Variants in ONECUT2 observed in about 807,000 individuals in gnomAD.
ONECUT2 encodes the protein one cut homeobox 2.
A neutral mutation model predicts 27.9 loss-of-function variants in ONECUT2; 10 were observed. The observed-to-expected ratio is 0.36, with a 90% CI of 0.22 to 0.61. ONECUT2 has a LOEUF of 0.61. Among genes scored for constraint, ONECUT2 ranks in the 20% least tolerant of loss-of-function variants. The pLI, the probability that ONECUT2 is intolerant of heterozygous loss-of-function variation, is 0.73. For synonymous variants in ONECUT2, 334 were observed against 315.1 expected (o/e 1.06, Z -0.64); for missense variants, 686 against 721.0 (o/e 0.95, Z 0.56).
rs1022473716 is a variant in ONECUT2, at chr18:57,487,094, C to T, written c.*10371C>T. On this transcript the variant is annotated 3_prime_UTR_variant, in exon 2 of 2. Coordinates refer to ENST00000491143, the MANE Select transcript of ONECUT2 (RefSeq NM_004852.3). ...GTATACATTAAACTGTGAAAATGTA[C>T]ACAGTTCAGCCTCAGACGGTGGTAA... 10 of 152,610 alleles carry T rather than the reference C, an allele frequency of 6.6e-5. No individual in the cohort carries two copies. The highest frequency in any genetic ancestry group is 1.3e-4 in the Non-Finnish European group (9 of 68,034). The allele number at this position is 152,610 out of a possible 1,614,324, so 9.5% of individuals were successfully genotyped here.
Position 57,478,260 on chromosome 18 carries a change from A to G in ONECUT2, c.*1537A>G, listed in dbSNP as rs1209917885. 1.3e-5 allele frequency: 2 copies of G among 152,450 alleles called. No homozygotes were observed. The highest frequency in any genetic ancestry group is 4.8e-5 in the African/African-American group (2 of 41,428). 9.4% of individuals were successfully genotyped at this position (152,450 alleles called of 1,614,324 possible). ...GCCCACAGAACTCTGGGAGATTGCA[A>G]AGGTCACAATGTGCATATTTACCAG... On this transcript the variant is annotated 3_prime_UTR_variant, in exon 2 of 2. Coordinates refer to ENST00000491143, the MANE Select transcript of ONECUT2 (RefSeq NM_004852.3).
At chr18:57,464,886 G>C (rs2050312115) in intron 1 of ONECUT2, among the ~76,000 whole-genome samples, 1 of 152,148 alleles carries the variant, frequency 6.6e-6, no homozygotes, top group Non-Finnish European at 1.5e-5. Flanking sequence ...TAAATTCTTA[G>C]TAAGCTAGAG....
chr18:57,435,839 CG>C lies in ONECUT2; in HGVS notation c.128del (p.Gly43AlafsTer89). 1 of 1,000,820 alleles carries C rather than the reference CG, an allele frequency of 1.0e-6. No homozygotes were observed. The highest frequency in any genetic ancestry group is 1.2e-6 in the Non-Finnish European group (1 of 824,356). 62.0% of individuals were successfully genotyped at this position (1,000,820 alleles called of 1,614,324 possible). The stretch of plus-strand genomic sequence containing the variant: ...ACGGGCCGGCCGGCGGCGGCAGTGG[CG>C]GGGGCGGCGGCGGGGGCGGCGGGGG... The part of the protein sequence containing the change: ...LHGPAGGGSG[G>X]GGGGGGGGGG... On this transcript the variant is annotated frameshift_variant, in exon 1 of 2. Coordinates refer to ENST00000491143, the MANE Select transcript of ONECUT2 (RefSeq NM_004852.3). LOFTEE classifies it high-confidence loss of function.
rs2050435063 is a variant in ONECUT2 at position 57,485,838 on chromosome 18, GT to G, written c.*9116del. 6.6e-6 allele frequency: 1 copy of G among 152,216 alleles called. No individual in the cohort carries two copies. The highest frequency in any genetic ancestry group is 2.4e-5 in the African/African-American group (1 of 41,442). The allele number at this position is 152,216 out of a possible 1,614,324, so 9.4% of individuals were successfully genotyped here. On this transcript the variant is annotated 3_prime_UTR_variant, in exon 2 of 2. Coordinates refer to ENST00000491143, the MANE Select transcript of ONECUT2 (RefSeq NM_004852.3). The stretch of plus-strand genomic sequence containing the variant: ...CTGAAGTTTTCAAGCACCATCCTAT[GT>G]GAAAGTTCCCTCCTGTCCAAACAAG...
intron 1 of ONECUT2, 133 bp downstream of exon 1, chr18:57,437,077 TCTC>T: frequency 1.4e-6 from 2 of 1,416,174 alleles, no homozygotes; most frequent in South Asian, 1.5e-5. Context: ...TCCTCTTTCT[TCTC>T]GTTTTTATTT....
Position 57,481,991 on chromosome 18 carries a change from G to A in ONECUT2, c.*5268G>A, listed in dbSNP as rs563011823. ...TAGATGAAGAAGGGGTAGAGCTGGT[G>A]TATCTATAACTTTCTGATATTTGTC... On this transcript the variant is annotated 3_prime_UTR_variant, in exon 2 of 2. Coordinates refer to ENST00000491143, the MANE Select transcript of ONECUT2 (RefSeq NM_004852.3). 1 of 152,254 alleles carries A rather than the reference G, an allele frequency of 6.6e-6. No homozygotes were observed. The highest frequency in any genetic ancestry group is 2.4e-5 in the African/African-American group (1 of 41,562). 9.4% of individuals were successfully genotyped at this position (152,254 alleles called of 1,614,324 possible). A position where few individuals can be genotyped will look rare whatever the true frequency, so the allele number is the denominator to read the frequency against.
Position 57,435,925 on chromosome 18 carries a change from C to A in ONECUT2, c.209C>A (p.Ala70Glu), listed in dbSNP as rs2050137213. Residue 70 changes from alanine (A) to glutamate (E), a missense_variant, in exon 1 of 2, where the codon GCG (alanine) becomes GAG (glutamate). By Grantham distance (107) the Ala-to-Glu change is moderately radical. Transcript: ENST00000491143. ...CTGGCCAGCCCCAGCCCCCACCACGCGGGCCGCGGCGCCGCTGGCTCGCTG... is the reference window on the plus strand; with the variant it reads ...CTGGCCAGCCCCAGCCCCCACCACGAGGGCCGCGGCGCCGCTGGCTCGCTG... ...ELLASPSPHH[A>E]GRGAAGSLRG... is the part of the protein sequence containing the mutation. The A allele has an allele frequency of 1.7e-6, 2 of 1,172,764 alleles. No homozygotes were observed. The highest frequency in any genetic ancestry group is 4.7e-5 in the Admixed American group (1 of 21,230). The allele number at this position is 1,172,764 out of a possible 1,614,324, so 72.6% of individuals were successfully genotyped here. A position where few individuals can be genotyped will look rare whatever the true frequency, so the allele number is the denominator to read the frequency against.
intron 1 of ONECUT2, among the ~76,000 whole-genome samples, chr18:57,458,114 A>C (rs2050270226): frequency 6.6e-6 from 1 of 152,230 alleles, no homozygotes; most frequent in South Asian, 2.1e-4. Context: ...TAGAATTTAA[A>C]GTATAATAAT....
At chr18:57,461,737 C>T (rs2050292984) in intron 1 of ONECUT2, among the ~76,000 whole-genome samples, 1 of 152,180 alleles carries the variant, frequency 6.6e-6, no homozygotes, top group South Asian at 2.1e-4. Flanking sequence ...CCAATTATTC[C>T]CTAATTGAGG....
chr18:57,435,872 C>T lies in ONECUT2; in HGVS notation c.156C>T (p.Gly52=). ...GCGGCGGGGGCGGCGGGGGCGGCGGCGGGGGCCCGGGCCATGAGCAGGAGC... is the reference window on the plus strand; with the variant it reads ...GCGGCGGGGGCGGCGGGGGCGGCGGTGGGGGCCCGGGCCATGAGCAGGAGC... ...GGGGGGGGGG[G]GGPGHEQELL... The change falls in exon 1 of 2, where the codon GGC becomes GGT. Residue 52 remains glycine, a synonymous_variant. Transcript: ENST00000491143. 5 of 602,608 alleles carry T rather than the reference C, an allele frequency of 8.3e-6. No homozygotes were observed. The highest frequency in any genetic ancestry group is 2.0e-5 in the African/African-American group (1 of 49,468). The allele number at this position is 602,608 out of a possible 1,614,324, so 37.3% of individuals were successfully genotyped here.
chr18:57,441,926 G>A (rs1018578041), intron 1 of ONECUT2, among the ~76,000 whole-genome samples: 1 of 152,186 alleles, frequency 6.6e-6, no homozygotes. Context: ...ACCTTGGCTG[G>A]GACAGGAAGT....
At chr18:57,454,457 A>G (rs775365287) in intron 1 of ONECUT2, among the ~76,000 whole-genome samples, 1 of 152,120 alleles carries the variant, frequency 6.6e-6, no homozygotes, top group Non-Finnish European at 1.5e-5. Context: ...TAGCTCTGTG[A>G]TGTCAGGCAG....
intron 1 of ONECUT2, among the ~76,000 whole-genome samples, chr18:57,473,988 G>A (rs1322699951): frequency 6.6e-6 from 1 of 152,172 alleles, no homozygotes; most frequent in East Asian, 1.9e-4. Flanking sequence ...CCCACTGCAG[G>A]GGAAGCGCTC....
chr18:57,437,010 C>G (rs988426176), intron 1 of ONECUT2, 66 bp downstream of exon 1: 1 of 1,498,312 alleles, frequency 6.7e-7, no homozygotes, highest in East Asian at 2.5e-5. Flanking sequence ...TGCTTGTGGC[C>G]CAAGTCTGCG....
intron 1 of ONECUT2, among the ~76,000 whole-genome samples, chr18:57,443,579 G>A (rs1007532940): frequency 7.9e-5 from 12 of 152,202 alleles, no homozygotes; most frequent in Non-Finnish European, 1.5e-4. Flanking sequence ...TGGGGGAAAG[G>A]CTTTTTGATT....
intron 1 of ONECUT2, among the ~76,000 whole-genome samples, chr18:57,442,714 T>G (rs550931983): frequency 6.6e-6 from 1 of 152,092 alleles, no homozygotes; most frequent in Non-Finnish European, 1.5e-5. Context: ...ATAGACTCTC[T>G]CCTACTCCCA....
chr18:57,473,075 C>T (rs1013313241), intron 1 of ONECUT2, among the ~76,000 whole-genome samples: 1 of 152,170 alleles, frequency 6.6e-6, no homozygotes, highest in Non-Finnish European at 1.5e-5. Flanking sequence ...GTGGTTTCTA[C>T]ATCTTAAAAG....
At chr18:57,462,553 A>G (rs1413105027) in intron 1 of ONECUT2, among the ~76,000 whole-genome samples, 1 of 151,734 alleles carries the variant, frequency 6.6e-6, no homozygotes, top group African/African-American at 2.4e-5. Flanking sequence ...CACGCTGGCT[A>G]ACTTCTTAAA....
chr18:57,475,380 T>C (rs2050376633), intron 1 of ONECUT2, among the ~76,000 whole-genome samples: 1 of 152,214 alleles, frequency 6.6e-6, no homozygotes, highest in Non-Finnish European at 1.5e-5. Flanking sequence ...TAACACACGT[T>C]CTCATGTTTT....
Sources: gnomAD v4.1 joint callset for allele counts (sites outside exome capture counted in the v4.1 genomes callset) on GRCh38, gnomAD v4.1.1 for gene constraint, MANE v1.5 for transcripts, NCBI Gene and HGNC (gene_info 2026-07-23, HGNC 2026-07-21) for gene names.